The following ST7L variants were observed in gnomAD, a reference collection of about 807,000 sequenced individuals.
The protein encoded by ST7L is suppression of tumorigenicity 7 like.
ST7L carries 57 observed loss-of-function variants against 72.5 expected under a neutral mutation model. The ratio of observed to expected loss-of-function variants is 0.79; its 90% CI spans 0.64 to 0.98. The LOEUF (loss-of-function observed/expected upper bound fraction) is 0.98, where lower values mean the gene tolerates loss of function less well. ST7L is among the 50% of genes least tolerant of loss of function. The pLI is 0.00. For synonymous variants in ST7L, 221 were observed against 240.9 expected (o/e 0.92, Z 0.77); for missense variants, 576 against 672.2 (o/e 0.86, Z 1.58).
At chr1:112,520,803 C>T (rs924466766), downstream of ST7L, 7 of 411,154 alleles carry the variant, frequency 1.7e-5, no homozygotes, top group East Asian at 1.2e-4. Flanking sequence ...CACTAAAGTA[C>T]GTAGTTGAGG....
intron 12 of ST7L, among the ~76,000 whole-genome samples, chr1:112,553,938 G>A (rs992878634): frequency 3.9e-5 from 6 of 152,076 alleles, no homozygotes; most frequent in South Asian, 2.1e-4. Context: ...GTGCCATCTC[G>A]GCTCACTAAA....
At chr1:112,576,425 A>G (rs35735679) in intron 11 of ST7L, among the ~76,000 whole-genome samples, 129 of 152,322 alleles carry the variant, frequency 8.5e-4, no homozygotes, top group Non-Finnish European at 1.4e-3. Flanking sequence ...GTTGTAACAC[A>G]CAAAGATTAA....
chr1:112,595,897 T>C (rs2101989777), intron 5 of ST7L, among the ~76,000 whole-genome samples: 1 of 152,344 alleles, frequency 6.6e-6, no homozygotes, highest in Non-Finnish European at 1.5e-5. Context: ...TGAAGGGACA[T>C]ATTCTTTTTC....
intron 3 of ST7L, among the ~76,000 whole-genome samples, chr1:112,604,692 T>G (rs942739228): frequency 6.9e-6 from 1 of 145,968 alleles, no homozygotes; most frequent in Non-Finnish European, 1.5e-5. Flanking sequence ...TCCCAGCTAC[T>G]CAGGAGGCTG....
At chr1:112,581,189 A>C (rs1304760620) in intron 9 of ST7L, among the ~76,000 whole-genome samples, 1 of 152,146 alleles carries the variant, frequency 6.6e-6, no homozygotes, top group Admixed American at 6.5e-5. Context: ...TGTTATTCTG[A>C]ATTGCTCTTA....
At position 112,542,067 on chromosome 1, in the gene ST7L, G is replaced by C. The variant is rs1570917134; in HGVS notation, c.1513C>G (p.Pro505Ala). The stretch of plus-strand genomic sequence containing the variant: ...ATGAACAAAGGAAGCTCCTTTTTTG[G>C]GTAAACAGAAACATGATGAAAGGCT... ...LPTFHHVSVY[P>A]KKELPLFIHF... Residue 505 changes from proline (P) to alanine (A), a missense_variant, in exon 14 of 15, where the codon CCA becomes GCA. Coordinates refer to ENST00000358039, the MANE Select transcript of ST7L (RefSeq NM_017744.5). The C allele has an allele frequency of 6.2e-7, 1 of 1,610,210 alleles. No homozygotes were observed. Among genetic ancestry groups the C allele is most frequent in the East Asian group, 2.2e-5 (1 of 44,708 alleles).
chr1:112,605,047 AT>A (rs1235445318), intron 3 of ST7L, among the ~76,000 whole-genome samples: 36 of 134,010 alleles, frequency 2.7e-4, no homozygotes, highest in Non-Finnish European at 4.6e-4. Flanking sequence ...AGATCACGCC[AT>A]TGCATTCCAG....
chr1:112,518,856 A>G (rs146898695), downstream of ST7L, among the ~76,000 whole-genome samples: 1,759 of 152,332 alleles, frequency 0.012, 14 homozygotes, highest in South Asian at 0.019. Context: ...ATAGAGTCCA[A>G]TTGAACTTTC....
intron 3 of ST7L, among the ~76,000 whole-genome samples, chr1:112,602,429 G>C (rs1468779422): frequency 6.6e-6 from 1 of 152,152 alleles, no homozygotes; most frequent in African/African-American, 2.4e-5. Flanking sequence ...AAATTGAACA[G>C]GTGATGAAAA....
rs747349055 is a variant in ST7L at position 112,555,886 on chromosome 1, G to A, written c.1378C>T (p.Gln460Ter). The A allele has an allele frequency of 5.6e-6, 9 of 1,596,504 alleles. No individual in the cohort carries two copies. The Admixed American group carries it at 1.5e-4, about 27-fold the overall frequency. Residue 460 changes from glutamine to a stop codon, truncating the protein, a stop_gained, in exon 12 of 15, where the codon CAG (glutamine) becomes TAG (stop). Coordinates refer to ENST00000358039, the MANE Select transcript of ST7L (RefSeq NM_017744.5). LOFTEE classifies it high-confidence loss of function. ...TACTTACTGCCTTCCCATGTACACT[G>A]TAACAGATTAAGAGCACCTTCTATT... ...KRIEGALNLLQCTWEGTFRMI... is the reference protein window; with the variant it reads ...KRIEGALNLL
intron 2 of ST7L, among the ~76,000 whole-genome samples, chr1:112,612,513 AAC>A (rs1412579852): frequency 2.0e-5 from 3 of 152,184 alleles, no homozygotes; most frequent in African/African-American, 7.2e-5. Context: ...TAAATAACAG[AAC>A]AAATATGCTA....
At chr1:112,581,711 C>T in intron 9 of ST7L, among the ~76,000 whole-genome samples, 1 of 152,066 alleles carries the variant, frequency 6.6e-6, no homozygotes, top group East Asian at 1.9e-4. Flanking sequence ...GCCCAGCCTC[C>T]CATGTTGTCT....
At chr1:112,585,973 C>A (rs890031258) in intron 6 of ST7L, among the ~76,000 whole-genome samples, 24 of 152,102 alleles carry the variant, frequency 1.6e-4, no homozygotes, top group Non-Finnish European at 2.9e-4. Flanking sequence ...TAAGTGGGGA[C>A]AAAAACGTTC....
intron 14 of ST7L, among the ~76,000 whole-genome samples, chr1:112,530,338 T>G (rs1328801088): frequency 6.6e-6 from 1 of 152,210 alleles, no homozygotes. Flanking sequence ...CCATATTTAC[T>G]GATTACATTT....
rs1183877129 is a variant in ST7L, at chr1:112,570,570, T to TATATATACACACACAC, written c.1245+6415_1245+6416insGTGTGTGTGTATATAT. ...GTATATATATATATATATATATATATACACACACACATATATTTGAAATGT... is the reference window on the plus strand; with the variant it reads ...GTATATATATATATATATATATATATATATATACACACACACACACACACACATATATTTGAAATGT... On this transcript the variant is annotated intron_variant, in intron 11 of 14. Transcript: ENST00000358039. Among the ~76,000 whole-genome samples the TATATATACACACACAC allele has an allele frequency of 6.6e-4, 94 of 143,406 alleles. 1 individual carries two copies. The highest frequency in any genetic ancestry group is 2.4e-3 in the African/African-American group (93 of 38,624). 94.1% of individuals were successfully genotyped at this position (143,406 alleles called of 152,430 possible). A position where few individuals can be genotyped will look rare whatever the true frequency, so the allele number is the denominator to read the frequency against.
chr1:112,599,454 A>G (rs570934425), intron 4 of ST7L, among the ~76,000 whole-genome samples: 2 of 152,312 alleles, frequency 1.3e-5, no homozygotes, highest in South Asian at 2.1e-4. Context: ...GTTAAATAAC[A>G]TGCCCCATTC....
intron 9 of ST7L, among the ~76,000 whole-genome samples, chr1:112,580,898 C>T (rs142342102): frequency 0.02 from 3,073 of 152,228 alleles, 107 homozygotes; most frequent in African/African-American, 0.069. Context: ...ACTGCACTCC[C>T]GCCCAGGCGA....
chr1:112,595,388 A>G (rs1345136943), intron 5 of ST7L, among the ~76,000 whole-genome samples: 2 of 151,038 alleles, frequency 1.3e-5, no homozygotes, highest in East Asian at 3.9e-4. Context: ...AAAAAAAAAA[A>G]AAAAAAAAAG....
intron 14 of ST7L, among the ~76,000 whole-genome samples, chr1:112,535,391 T>TAAG (rs753958980): frequency 1.8e-4 from 26 of 148,092 alleles, no homozygotes; most frequent in East Asian, 1.0e-3. Context: ...ATACTAATAA[T>TAAG]AATAAGAAGA....
Sources: allele counts gnomAD v4.1 joint callset (sites outside exome capture counted in the v4.1 genomes callset), GRCh38; gene constraint gnomAD v4.1.1; transcripts MANE v1.5; gene names NCBI Gene and HGNC (gene_info 2026-07-23, HGNC 2026-07-21).